Variants in SCTR observed in about 807,000 individuals in gnomAD.
SCTR encodes the protein secretin receptor, also known as pancreatic secretin receptor.
SCTR carries 56 observed loss-of-function variants against 60.8 expected under a neutral mutation model. The observed-to-expected ratio is 0.92, with a 90% CI of 0.74 to 1.15. The LOEUF (loss-of-function observed/expected upper bound fraction) is 1.15. Ranked by LOEUF, SCTR falls within the 50% of genes most tolerant of loss-of-function variation. The pLI, the probability that SCTR is intolerant of heterozygous loss-of-function variation, is 0.00. For synonymous variants in SCTR, 202 were observed against 217.0 expected, an observed-to-expected ratio of 0.93 and a Z score of 0.61; for missense variants, 562 against 550.4, an observed-to-expected ratio of 1.02 and a Z score of -0.21.
chr2:119,489,186 G>A (rs78071861), intron 2 of SCTR, among the ~76,000 whole-genome samples: 17,695 of 152,102 alleles, frequency 0.12, 1,325 homozygotes, highest in South Asian at 0.26. Context: ...CCCAAGGTTA[G>A]ACCCTGGAAA....
rs189529598 is a variant in SCTR, at chr2:119,485,109, G to A, written c.194-6191C>T. ...GTGACTAACACCATCATCAGCTGCAGGCGAGATCCCCCTGAACGTGGTGGT... is the reference window on the plus strand; with the variant it reads ...GTGACTAACACCATCATCAGCTGCAAGCGAGATCCCCCTGAACGTGGTGGT... On this transcript the variant is annotated intron_variant, in intron 2 of 12. Transcript: ENST00000019103. Among the ~76,000 whole-genome samples the A allele has an allele frequency of 1.4e-3, 213 of 152,344 alleles. 1 individual carries two copies. The highest frequency in any genetic ancestry group is 4.9e-3 in the African/African-American group (203 of 41,570).
chr2:119,498,957 C>T (rs1678443145), intron 1 of SCTR, among the ~76,000 whole-genome samples: 1 of 151,968 alleles, frequency 6.6e-6, no homozygotes, highest in Admixed American at 6.6e-5. Flanking sequence ...GATTTTAAAA[C>T]ATGATTAAAC....
chr2:119,454,012 T>TA (rs1055699129), intron 7 of SCTR, among the ~76,000 whole-genome samples: 3 of 151,748 alleles, frequency 2.0e-5, no homozygotes, highest in Non-Finnish European at 4.4e-5. Flanking sequence ...AAAATGATAA[T>TA]AAAGAAATAG....
chr2:119,487,807 G>C (rs1677938270), intron 2 of SCTR, among the ~76,000 whole-genome samples: 1 of 152,168 alleles, frequency 6.6e-6, no homozygotes, highest in South Asian at 2.1e-4. Context: ...AGCTCCTTGA[G>C]TGGTGTTTCC....
At chr2:119,452,210 G>A in intron 8 of SCTR, 131 bp from the exon 9 acceptor site, 1 of 653,016 alleles carries the variant, frequency 1.5e-6, no homozygotes, top group Non-Finnish European at 2.8e-6. Flanking sequence ...CCCTGCAGTG[G>A]TGTGCCCAGC....
chr2:119,484,032 C>A (rs1443529709), intron 2 of SCTR, among the ~76,000 whole-genome samples: 1 of 152,102 alleles, frequency 6.6e-6, no homozygotes, highest in Non-Finnish European at 1.5e-5. Flanking sequence ...TCCCAGGGAG[C>A]CCTGGCAGGG....
chr2:119,448,543 A>C, intron 10 of SCTR, 146 bp downstream of exon 10: 3 of 615,728 alleles, frequency 4.9e-6, no homozygotes, highest in Non-Finnish European at 8.8e-6. Flanking sequence ...ATTCCCCGCA[A>C]CCGCCCCCAT....
intron 3 of SCTR, chr2:119,476,798 G>C (rs1677339474): frequency 6.6e-6 from 1 of 152,384 alleles, no homozygotes; most frequent in Admixed American, 6.5e-5. Context: ...GTCAGCTGTG[G>C]AGGAGCACTG....
At chr2:119,444,410 T>TACAC (rs1682808382) in intron 11 of SCTR, among the ~76,000 whole-genome samples, 1 of 139,980 alleles carries the variant, frequency 7.1e-6, no homozygotes, top group Non-Finnish European at 1.5e-5. Flanking sequence ...CGTATGAATA[T>TACAC]ATATACCCAT....
At chr2:119,482,852 A>G (rs974785591) in intron 2 of SCTR, among the ~76,000 whole-genome samples, 8 of 152,170 alleles carry the variant, frequency 5.3e-5, no homozygotes, top group African/African-American at 7.2e-5. Context: ...CAGGAGGCCA[A>G]GGGTGACCCA....
In SCTR at chr2:119,444,926, CACATATATTCGTACGAATATATAT is replaced by C. The variant is rs1295481343; in HGVS notation, c.1140+1809_1140+1832del. On this transcript the variant is annotated intron_variant, in intron 11 of 12. Transcript: ENST00000019103. Reference sequence around the variant, plus strand: ...ATATACATATATTCGTACGAATATACACATATATTCGTACGAATATATATACATATATTCGTACGAATATATATA... The same window carrying C: ...ATATACATATATTCGTACGAATATACACATATATTCGTACGAATATATATA... Among the ~76,000 whole-genome samples, 18 of 2,078 alleles carry C rather than the reference CACATATATTCGTACGAATATATAT, an allele frequency of 8.7e-3. 6 individuals carry two copies. Among genetic ancestry groups the C allele is most frequent in the East Asian group, 0.12 (2 of 16 alleles). 1.4% of individuals were successfully genotyped at this position (2,078 alleles called of 152,430 possible).
intron 2 of SCTR, among the ~76,000 whole-genome samples, chr2:119,480,304 C>T (rs911458837): frequency 6.6e-5 from 10 of 152,192 alleles, no homozygotes; most frequent in South Asian, 2.1e-4. Flanking sequence ...TGGTGGAAGA[C>T]GAAGAAAGAG....
At chr2:119,514,063 G>A (rs1338850017) in intron 1 of SCTR, among the ~76,000 whole-genome samples, 3 of 152,174 alleles carry the variant, frequency 2.0e-5, no homozygotes, top group East Asian at 3.9e-4. Flanking sequence ...ACACATAGTC[G>A]TGGTTGGTCC....
intron 1 of SCTR, among the ~76,000 whole-genome samples, chr2:119,497,296 T>C (rs1678388852): frequency 6.6e-6 from 1 of 151,910 alleles, no homozygotes; most frequent in African/African-American, 2.4e-5. Flanking sequence ...GTTGGACTTC[T>C]ATTTTCACCT....
intron 1 of SCTR, among the ~76,000 whole-genome samples, chr2:119,501,203 G>T (rs1373639651): frequency 1.3e-5 from 2 of 152,156 alleles, no homozygotes; most frequent in Non-Finnish European, 1.5e-5. Context: ...GAGGTCAGGA[G>T]ATCGAGACCA....
At chr2:119,448,431 AG>A (rs1683014214) in intron 10 of SCTR, among the ~76,000 whole-genome samples, 1 of 152,144 alleles carries the variant, frequency 6.6e-6, no homozygotes, top group Non-Finnish European at 1.5e-5. Context: ...GAGACTCCCT[AG>A]CCTTGCCCCA....
chr2:119,493,895 C>G (rs1678242014), intron 2 of SCTR, among the ~76,000 whole-genome samples: 1 of 152,202 alleles, frequency 6.6e-6, no homozygotes, highest in Non-Finnish European at 1.5e-5. Context: ...CTCACCTCAG[C>G]CTCCCAAAGT....
chr2:119,448,605 ATAGC>A, intron 10 of SCTR, 80 bp downstream of exon 10: 1 of 807,196 alleles, frequency 1.2e-6, no homozygotes, highest in Non-Finnish European at 2.2e-6. Context: ...TCCGTCTCCA[ATAGC>A]TAGCACCAGT....
intron 1 of SCTR, among the ~76,000 whole-genome samples, chr2:119,506,882 T>C (rs1358006814): frequency 1.3e-5 from 2 of 152,194 alleles, no homozygotes; most frequent in Non-Finnish European, 2.9e-5. Context: ...ATAACTATAA[T>C]AGGGCACCAT....
Sources: allele counts gnomAD v4.1 joint callset (sites outside exome capture counted in the v4.1 genomes callset), GRCh38; gene constraint gnomAD v4.1.1; transcripts MANE v1.5; gene names NCBI Gene and HGNC (gene_info 2026-07-23, HGNC 2026-07-21).